The following ZNF407 variants were observed in gnomAD, a reference collection of about 807,000 sequenced individuals.
ZNF407 encodes zinc finger protein 407.
ZNF407 carries 17 observed loss-of-function variants against 131.2 expected under a neutral mutation model. The observed-to-expected ratio is 0.13, with a 90% CI of 0.09 to 0.19. The LOEUF is 0.19. Among genes scored for constraint, ZNF407 ranks in the 10% least tolerant of loss-of-function variants. The pLI is 1.00. For synonymous variants in ZNF407, 1,156 were observed against 1,062.0 expected (o/e 1.09, Z -1.72); for missense variants, 2,681 against 2,830.6 (o/e 0.95, Z 1.20).
intron 3 of ZNF407, among the ~76,000 whole-genome samples, chr18:74,755,818 TCCTC>T (rs796785697): frequency 2.5e-5 from 3 of 119,076 alleles, no homozygotes; most frequent in Non-Finnish European, 3.5e-5. Flanking sequence ...GTTCATTCAT[TCCTC>T]CCTCCCTCCC....
At chr18:74,846,458 G>A (rs562254233) in intron 4 of ZNF407, among the ~76,000 whole-genome samples, 2 of 151,512 alleles carry the variant, frequency 1.3e-5, no homozygotes, top group South Asian at 4.2e-4. Context: ...TCCTGCCTCG[G>A]CCTCCTGAGT....
At chr18:74,824,694 C>G (rs963595227) in intron 4 of ZNF407, among the ~76,000 whole-genome samples, 1 of 152,150 alleles carries the variant, frequency 6.6e-6, no homozygotes, top group Non-Finnish European at 1.5e-5. Flanking sequence ...AGACCAATAA[C>G]AAGTTCTGAA....
At chr18:75,020,799 T>G (rs1973101032) in intron 8 of ZNF407, among the ~76,000 whole-genome samples, 2 of 152,204 alleles carry the variant, frequency 1.3e-5, no homozygotes, top group Admixed American at 1.3e-4. Flanking sequence ...TTCAGCATTT[T>G]AGAATGAGAA....
chr18:74,987,801 T>A (rs1323434053), intron 8 of ZNF407, among the ~76,000 whole-genome samples: 1 of 151,780 alleles, frequency 6.6e-6, no homozygotes, highest in East Asian at 1.9e-4. Flanking sequence ...CTTAGAGGAG[T>A]TAAAGAAGAC....
intron 7 of ZNF407, among the ~76,000 whole-genome samples, chr18:74,913,765 T>C (rs1212407990): frequency 6.6e-6 from 1 of 152,184 alleles, no homozygotes; most frequent in East Asian, 1.9e-4. Context: ...TACAACTCCT[T>C]TCTCCTTAGG....
intron 3 of ZNF407, among the ~76,000 whole-genome samples, chr18:74,663,303 T>C (rs1452327852): frequency 1.3e-5 from 2 of 152,218 alleles, no homozygotes; most frequent in Non-Finnish European, 2.9e-5. Context: ...GAAAGTTACC[T>C]ACAGTAGTGG....
Position 74,890,439 on chromosome 18 carries a change from T to A in ZNF407, c.5249+401T>A, listed in dbSNP as rs144677909. The stretch of plus-strand genomic sequence containing the variant: ...TTTTGACAAATTTATGACATGTATC[T>A]GCCATTATAATATCATGCATAATTT... On this transcript the variant is annotated intron_variant, in intron 7 of 8. Transcript: ENST00000299687. Among the ~76,000 whole-genome samples, 39 of 152,356 alleles carry A rather than the reference T, an allele frequency of 2.6e-4. No individual in the cohort carries two copies. The Middle Eastern group carries it at 0.01, about 40-fold the overall frequency.
intron 4 of ZNF407, among the ~76,000 whole-genome samples, chr18:74,849,287 G>T (rs865858438): frequency 6.6e-6 from 1 of 151,750 alleles, no homozygotes; most frequent in Non-Finnish European, 1.5e-5. Context: ...GCTATATTGG[G>T]CAAGCTGGTC....
intron 4 of ZNF407, among the ~76,000 whole-genome samples, chr18:74,819,169 G>T (rs1568229277): frequency 1.3e-5 from 2 of 152,042 alleles, no homozygotes; most frequent in African/African-American, 4.8e-5. Flanking sequence ...TATGGAAAAG[G>T]CCGGAAAAAA....
chr18:74,938,217 TTCC>T (rs1972059466), intron 8 of ZNF407, among the ~76,000 whole-genome samples: 1 of 152,232 alleles, frequency 6.6e-6, no homozygotes, highest in African/African-American at 2.4e-5. Context: ...TGATATGTCT[TTCC>T]ACATATTAGG....
At chr18:74,600,619 T>G (rs1294951578) in intron 1 of ZNF407, among the ~76,000 whole-genome samples, 1 of 151,918 alleles carries the variant, frequency 6.6e-6, no homozygotes, top group Non-Finnish European at 1.5e-5. Flanking sequence ...CCTGGCAAGC[T>G]TAAAGAGGTT....
chr18:74,755,808 G>A (rs1227938726), intron 3 of ZNF407, among the ~76,000 whole-genome samples: 7 of 49,612 alleles, frequency 1.4e-4, no homozygotes, highest in Admixed American at 2.9e-4. Context: ...TCATTCATTC[G>A]TTCATTCATT....
chr18:74,969,740 C>G lies in ZNF407; in HGVS notation c.5428+49048C>G, dbSNP rs144979407. On this transcript the variant is annotated intron_variant, in intron 8 of 8. Transcript: ENST00000299687. ...TAGGCTGCTTGTGGTAACTGGGTCTCTTTTCCACACGGACCTTGGGGTAGG... is the reference window on the plus strand; with the variant it reads ...TAGGCTGCTTGTGGTAACTGGGTCTGTTTTCCACACGGACCTTGGGGTAGG... Among the ~76,000 whole-genome samples, 11 of 152,306 alleles carry G rather than the reference C, an allele frequency of 7.2e-5. No individual in the cohort carries two copies. The East Asian group carries it at 2.1e-3, about 29-fold the overall frequency.
rs796739772 is a variant in ZNF407, at chr18:74,821,353, GGT to G, written c.4877+39853_4877+39854del. Among the ~76,000 whole-genome samples the G allele has an allele frequency of 8.5e-5, 13 of 152,074 alleles. 1 individual carries two copies. Among genetic ancestry groups the G allele is most frequent in the African/African-American group, 3.1e-4 (13 of 41,496 alleles). On this transcript the variant is annotated intron_variant, in intron 4 of 8. Coordinates refer to ENST00000299687, the MANE Select transcript of ZNF407 (RefSeq NM_017757.3). ...TGTTACATAGGTATACACATGCCAT[GGT>G]GGTTTGCTGCACCCATTAACCTGTC...
At chr18:75,019,136 T>C (rs1480586301) in intron 8 of ZNF407, among the ~76,000 whole-genome samples, 2 of 152,306 alleles carry the variant, frequency 1.3e-5, no homozygotes, top group Admixed American at 1.3e-4. Context: ...TACAAAATCA[T>C]TTCCTATTGA....
chr18:74,600,321 G>T (rs991998520), intron 1 of ZNF407, among the ~76,000 whole-genome samples: 2 of 152,224 alleles, frequency 1.3e-5, no homozygotes, highest in African/African-American at 4.8e-5. Flanking sequence ...GCAATATCAC[G>T]TAAATAGCCT....
intron 3 of ZNF407, among the ~76,000 whole-genome samples, chr18:74,649,955 T>G (rs1253237801): frequency 1.3e-5 from 2 of 152,206 alleles, no homozygotes; most frequent in African/African-American, 4.8e-5. Flanking sequence ...CTTTTGAGTT[T>G]AGATGGTCAC....
intron 3 of ZNF407, among the ~76,000 whole-genome samples, chr18:74,747,479 A>AT (rs879459313): frequency 2.8e-4 from 41 of 147,466 alleles, no homozygotes; most frequent in Admixed American, 6.1e-4. Context: ...GCTTTCCTGG[A>AT]TTTTTTTTTT....
chr18:74,955,190 G>A (rs544271548), intron 8 of ZNF407, among the ~76,000 whole-genome samples: 2 of 152,212 alleles, frequency 1.3e-5, no homozygotes, highest in Admixed American at 1.3e-4. Context: ...GAAGTTGTGG[G>A]GACCGCAAGT....
Sources: allele counts gnomAD v4.1 joint callset (sites outside exome capture counted in the v4.1 genomes callset), GRCh38; gene constraint gnomAD v4.1.1; transcripts MANE v1.5; gene names NCBI Gene and HGNC (gene_info 2026-07-23, HGNC 2026-07-21).